STARD13: variants seen among roughly 807,000 people sequenced by gnomAD.
STARD13 encodes stAR-related lipid transfer protein 13.
STARD13 carries 62 observed loss-of-function variants against 106.4 expected under a neutral mutation model. The observed-to-expected ratio is 0.58, with a 90% CI of 0.48 to 0.72. STARD13 has a LOEUF of 0.72. Ranked by LOEUF, STARD13 falls within the 30% of genes least tolerant of loss-of-function variation. The pLI is 0.00. For missense variants in STARD13, 1,387 were observed against 1,424.0 expected (o/e 0.97, Z 0.42); for synonymous variants, 565 against 553.0 (o/e 1.02, Z -0.31).
intron 4 of STARD13, chr13:33,138,753 G>C: frequency 4.7e-6 from 2 of 427,484 alleles, no homozygotes; most frequent in South Asian, 3.4e-5. Context: ...TCTTGGCTGG[G>C]TTGTTAGTCT....
chr13:33,352,206 A>G (rs2078085350), upstream of STARD13, among the ~76,000 whole-genome samples: 1 of 152,118 alleles, frequency 6.6e-6, no homozygotes, highest in Non-Finnish European at 1.5e-5. Flanking sequence ...CAAGCCAAAT[A>G]CCCTTTTGAT....
intron 1 of STARD13, chr13:33,273,806 A>G (rs543496931): frequency 6.6e-6 from 1 of 152,342 alleles, no homozygotes; most frequent in African/African-American, 2.4e-5. Flanking sequence ...AAAGATATGT[A>G]AAACTGGAAA....
the STARD13 span, chr13:33,611,369 G>C: frequency 6.6e-6 from 1 of 152,174 alleles, no homozygotes; most frequent in African/African-American, 2.4e-5. Context: ...TGCCAATGAA[G>C]CAGAAAGGTC....
intron 1 of STARD13, among the ~76,000 whole-genome samples, chr13:33,247,487 A>AT (rs113409745): frequency 0.65 from 98,692 of 151,526 alleles, 32,835 homozygotes; most frequent in Middle Eastern, 0.72. Context: ...GTGCCCTCTC[A>AT]TTTTTTGGAG....
the STARD13 span, among the ~76,000 whole-genome samples, chr13:33,428,661 A>G: frequency 6.6e-6 from 1 of 152,178 alleles, no homozygotes; most frequent in Non-Finnish European, 1.5e-5. Flanking sequence ...AAAAACAGGC[A>G]ACACATCAGT....
At chr13:33,144,681 C>T (rs1025113597) in intron 3 of STARD13, among the ~76,000 whole-genome samples, 3 of 152,186 alleles carry the variant, frequency 2.0e-5, no homozygotes, top group African/African-American at 7.2e-5. Flanking sequence ...TCTCTTTGGT[C>T]TGTTCCACGT....
At chr13:33,586,487 A>G in the STARD13 span, among the ~76,000 whole-genome samples, 5 of 152,220 alleles carry the variant, frequency 3.3e-5, no homozygotes, top group African/African-American at 1.2e-4. Context: ...GAAGGGGAGG[A>G]TTGCTAATCT....
chr13:33,326,091 T>C (rs1308329427), intron 1 of STARD13, among the ~76,000 whole-genome samples: 1 of 151,330 alleles, frequency 6.6e-6, no homozygotes, highest in Non-Finnish European at 1.5e-5. Context: ...TCCCTCTCTC[T>C]CTCCTCCAGA....
chr13:33,142,434 G>T, intron 3 of STARD13, 61 bp from the exon 4 acceptor site: 1 of 1,427,434 alleles, frequency 7.0e-7, no homozygotes, highest in South Asian at 1.1e-5. Context: ...TCTCCAGTTT[G>T]ATAATCCTCC....
chr13:33,492,625 G>C, the STARD13 span, among the ~76,000 whole-genome samples: 1 of 152,214 alleles, frequency 6.6e-6, no homozygotes, highest in Non-Finnish European at 1.5e-5. Flanking sequence ...ACATTTTACA[G>C]ATGCCATGAC....
At chr13:33,616,470 A>G in the STARD13 span, among the ~76,000 whole-genome samples, 1 of 152,174 alleles carries the variant, frequency 6.6e-6, no homozygotes, top group African/African-American at 2.4e-5. Flanking sequence ...AATCTCAGAA[A>G]TCTAGACTGG....
chr13:33,458,938 A>T, the STARD13 span, among the ~76,000 whole-genome samples: 4 of 149,226 alleles, frequency 2.7e-5, no homozygotes, highest in Middle Eastern at 0.01. Context: ...CTCCTGCCTC[A>T]GTCTCCTAAG....
At chr13:33,266,661 G>C (rs1290922722) in intron 1 of STARD13, among the ~76,000 whole-genome samples, 3 of 152,116 alleles carry the variant, frequency 2.0e-5, no homozygotes, top group Non-Finnish European at 2.9e-5. Context: ...TCTTCCCATG[G>C]CTCAGGCCCA....
exon 2 of STARD13, chr13:33,348,953 T>C (rs899609427): frequency 3.5e-6 from 2 of 579,064 alleles, no homozygotes; most frequent in Non-Finnish European, 6.2e-6. Context: ...CTAGTGACCT[T>C]CTCTCAAGGT....
chr13:33,381,506 G>A, the STARD13 span, among the ~76,000 whole-genome samples: 2 of 152,078 alleles, frequency 1.3e-5, no homozygotes, highest in Admixed American at 6.5e-5. Flanking sequence ...TTGGGAGGCC[G>A]AGGTGGGCTG....
At chr13:33,268,544 G>GTTA (rs1184140754) in intron 1 of STARD13, among the ~76,000 whole-genome samples, 7 of 152,210 alleles carry the variant, frequency 4.6e-5, no homozygotes, top group Non-Finnish European at 8.8e-5. Context: ...AGAAGATGTT[G>GTTA]TTATTATTAT....
the STARD13 span, among the ~76,000 whole-genome samples, chr13:33,532,852 T>C: frequency 1.3e-5 from 2 of 152,274 alleles, no homozygotes; most frequent in Admixed American, 6.5e-5. Context: ...AGATGATTAC[T>C]GTATTTCCAC....
intron 8 of STARD13, chr13:33,113,516 C>G (rs1874922299): frequency 2.0e-6 from 1 of 511,812 alleles, no homozygotes; most frequent in Admixed American, 2.0e-5. Flanking sequence ...AGAGGGCCAG[C>G]TTCTCGAGGG....
At chr13:33,634,352 T>C in the STARD13 span, among the ~76,000 whole-genome samples, 2 of 152,194 alleles carry the variant, frequency 1.3e-5, no homozygotes, top group Non-Finnish European at 2.9e-5. Context: ...CATGATCCAA[T>C]GGGAGAAGCT....
Sources: allele counts gnomAD v4.1 joint callset (sites outside exome capture counted in the v4.1 genomes callset), GRCh38; gene constraint gnomAD v4.1.1; transcripts MANE v1.5; gene names NCBI Gene and HGNC (gene_info 2026-07-23, HGNC 2026-07-21).